GALNT13: variants seen among roughly 807,000 people sequenced by gnomAD.
GALNT13 encodes polypeptide N-acetylgalactosaminyltransferase 13.
GALNT13 carries 28 observed loss-of-function variants against 64.2 expected under a neutral mutation model. That is an observed-to-expected ratio of 0.44 (90% CI 0.32 to 0.60). The LOEUF (loss-of-function observed/expected upper bound fraction) is 0.60. Ranked by LOEUF, GALNT13 falls within the 20% of genes least tolerant of loss-of-function variation. GALNT13 has a pLI of 0.05. For synonymous variants in GALNT13, 214 were observed against 224.6 expected, an observed-to-expected ratio of 0.95 and a Z score of 0.42; for missense variants, 577 against 669.8, an observed-to-expected ratio of 0.86 and a Z score of 1.53.
the GALNT13 span, among the ~76,000 whole-genome samples, chr2:153,526,894 A>C: frequency 6.6e-6 from 1 of 152,196 alleles, no homozygotes; most frequent in East Asian, 1.9e-4. Context: ...GAAAAAATGC[A>C]TTTGGTGTAA....
At chr2:153,261,234 G>A in the GALNT13 span, among the ~76,000 whole-genome samples, 7 of 152,206 alleles carry the variant, frequency 4.6e-5, 1 homozygote, top group African/African-American at 1.2e-4. Flanking sequence ...GGGTGAGATT[G>A]TGCTTTCCTG....
intron 10 of GALNT13, among the ~76,000 whole-genome samples, chr2:154,403,645 A>G (rs186002576): frequency 3.9e-5 from 6 of 152,274 alleles, no homozygotes; most frequent in Admixed American, 1.3e-4. Context: ...GCTCATCAGG[A>G]TGGCACTAAG....
chr2:153,675,156 G>A, the GALNT13 span, among the ~76,000 whole-genome samples: 8 of 152,186 alleles, frequency 5.3e-5, no homozygotes, highest in African/African-American at 1.7e-4. Context: ...CAAGTATCTA[G>A]AACTAGAAAT....
intron 3 of GALNT13, among the ~76,000 whole-genome samples, chr2:153,985,179 A>T (rs1694716090): frequency 6.6e-6 from 1 of 152,042 alleles, no homozygotes; most frequent in Non-Finnish European, 1.5e-5. Context: ...GACTTATTAA[A>T]TGCCCATTCT....
chr2:153,777,892 T>C, the GALNT13 span, among the ~76,000 whole-genome samples: 2 of 152,224 alleles, frequency 1.3e-5, no homozygotes, highest in African/African-American at 2.4e-5. Context: ...GAGGGCTTTT[T>C]GTATCCCGGG....
intron 3 of GALNT13, among the ~76,000 whole-genome samples, chr2:154,017,552 T>C (rs1193464543): frequency 5.9e-5 from 9 of 152,152 alleles, no homozygotes; most frequent in African/African-American, 2.4e-5. Flanking sequence ...AAGTGCAACA[T>C]TGAGAAATTT....
At chr2:154,051,279 C>CTTTTTTTTTTTTTTTT (rs34890901) in intron 3 of GALNT13, among the ~76,000 whole-genome samples, 1 of 102,298 alleles carries the variant, frequency 9.8e-6, no homozygotes, top group African/African-American at 3.7e-5. Flanking sequence ...CTTACTCCTT[C>CTTTTTTTTTTTTTTTT]TTTTTTTTTT....
chr2:154,428,257 G>A lies in GALNT13; in HGVS notation c.1396-10335G>A, dbSNP rs183842891. 1.5e-4 allele frequency among the ~76,000 whole-genome samples: 23 copies of A among 152,262 alleles called. 1 individual carries two copies. The East Asian group carries it at 3.5e-3, about 23-fold the overall frequency. On this transcript the variant is annotated intron_variant, in intron 11 of 12. Coordinates refer to ENST00000392825, the MANE Select transcript of GALNT13 (RefSeq NM_052917.4). ...GAGCTTCAGGTTCAGAGAGACCTCC[G>A]TCACTAAGCAGCTCGGACATATTGG... is the stretch of plus-strand genomic sequence containing the variant.
chr2:153,204,643 A>G, the GALNT13 span, among the ~76,000 whole-genome samples: 2,477 of 150,620 alleles, frequency 0.016, 37 homozygotes, highest in Middle Eastern at 0.038. Flanking sequence ...CAGGAACCCT[A>G]GAATACATCT....
At chr2:154,376,737 A>C (rs751056432) in intron 9 of GALNT13, among the ~76,000 whole-genome samples, 1 of 152,136 alleles carries the variant, frequency 6.6e-6, no homozygotes. Context: ...TTTTTAATTC[A>C]AACTCATTAA....
chr2:154,181,423 C>A (rs960448896), intron 4 of GALNT13, among the ~76,000 whole-genome samples: 2 of 152,074 alleles, frequency 1.3e-5, no homozygotes, highest in African/African-American at 4.8e-5. Flanking sequence ...TTTACATTAA[C>A]ATTTTTTCTC....
intron 4 of GALNT13, among the ~76,000 whole-genome samples, chr2:154,187,402 A>G (rs1176967765): frequency 6.6e-6 from 1 of 151,164 alleles, no homozygotes; most frequent in Non-Finnish European, 1.5e-5. Flanking sequence ...ACACACACAC[A>G]CACACACACA....
chr2:153,446,640 A>G, the GALNT13 span, among the ~76,000 whole-genome samples: 1 of 152,184 alleles, frequency 6.6e-6, no homozygotes, highest in Non-Finnish European at 1.5e-5. Flanking sequence ...TACTACTTTC[A>G]AACTCAGATT....
At chr2:153,177,545 T>A in the GALNT13 span, among the ~76,000 whole-genome samples, 22 of 152,256 alleles carry the variant, frequency 1.4e-4, no homozygotes, top group African/African-American at 5.3e-4. Context: ...TCCAACTGTA[T>A]GCTGTTTGCA....
At chr2:153,942,559 C>G (rs1291531944) in intron 2 of GALNT13, among the ~76,000 whole-genome samples, 3 of 151,722 alleles carry the variant, frequency 2.0e-5, no homozygotes, top group African/African-American at 7.3e-5. Context: ...AGGCTGATTT[C>G]CAATATTTAG....
the GALNT13 span, among the ~76,000 whole-genome samples, chr2:153,198,307 G>T: frequency 6.6e-6 from 1 of 152,196 alleles, no homozygotes; most frequent in Non-Finnish European, 1.5e-5. Context: ...CCCAGGGCCT[G>T]TGGGAGTTGA....
chr2:153,422,697 T>C, the GALNT13 span, among the ~76,000 whole-genome samples: 2 of 152,062 alleles, frequency 1.3e-5, no homozygotes, highest in Non-Finnish European at 2.9e-5. Context: ...TAAAATAACA[T>C]TTTGCCAATT....
intron 3 of GALNT13, among the ~76,000 whole-genome samples, chr2:154,075,114 CTCTT>C (rs1700921016): frequency 6.6e-6 from 1 of 151,878 alleles, no homozygotes; most frequent in African/African-American, 2.4e-5. Context: ...CAAGCTATCT[CTCTT>C]CATGGATGAA....
chr2:154,273,588 A>T (rs1009153174), intron 8 of GALNT13, among the ~76,000 whole-genome samples: 1 of 152,208 alleles, frequency 6.6e-6, no homozygotes. Flanking sequence ...CCCATAGGAT[A>T]CTACTGTATT....
Sources: allele counts gnomAD v4.1 joint callset (sites outside exome capture counted in the v4.1 genomes callset), GRCh38; gene constraint gnomAD v4.1.1; transcripts MANE v1.5; gene names NCBI Gene and HGNC (gene_info 2026-07-23, HGNC 2026-07-21).